The following HDAC4 variants were observed in gnomAD, a reference collection of about 807,000 sequenced individuals.
HDAC4 encodes histone deacetylase A.
Under a neutral mutation model 135.1 loss-of-function variants are expected in HDAC4, and 16 were observed. That is an observed-to-expected ratio of 0.12 (90% CI 0.08 to 0.18). The LOEUF (loss-of-function observed/expected upper bound fraction) is 0.18. HDAC4 is among the 10% of genes least tolerant of loss of function. HDAC4 has a pLI of 1.00. For synonymous variants in HDAC4, 685 were observed against 653.4 expected (o/e 1.05, Z -0.74); for missense variants, 1,143 against 1,511.8 (o/e 0.76, Z 4.05).
chr2:239,383,560 C>T (rs2126067846), intron 1 of HDAC4, among the ~76,000 whole-genome samples: 1 of 152,068 alleles, frequency 6.6e-6, no homozygotes, highest in Non-Finnish European at 1.5e-5. Flanking sequence ...GTCTGGGCCA[C>T]AATGAAGCAA....
Position 239,164,181 on chromosome 2 carries a change from T to C in HDAC4, c.491-258A>G, listed in dbSNP as rs372699246. Among the ~76,000 whole-genome samples the C allele has an allele frequency of 5.9e-5, 9 of 152,354 alleles. No homozygotes were observed. In the East Asian group the frequency reaches 9.7e-4, roughly 16 times the overall value. On this transcript the variant is annotated intron_variant, in intron 5 of 26. Coordinates refer to ENST00000543185, the MANE Select transcript of HDAC4 (RefSeq NM_001378414.1). ...ATCATCCGAAAGACTTATTGTTAGC[T>C]AACACAAAACCCACTTCTGAAGGAA... is the stretch of plus-strand genomic sequence containing the variant.
rs746593835 is a variant in HDAC4, at chr2:239,382,729, C to CT, written c.-220+18248dup. ...CTTTAACAGCTTACACTTTCTTTTT[C>CT]TTTTTTTTTTTTTAGACGCAGTTTG... On this transcript the variant is annotated intron_variant, in intron 1 of 26. Coordinates refer to ENST00000543185, the MANE Select transcript of HDAC4 (RefSeq NM_001378414.1). Among the ~76,000 whole-genome samples the CT allele has an allele frequency of 7.7e-4, 112 of 144,900 alleles. 1 individual carries two copies. Among genetic ancestry groups the CT allele is most frequent in the South Asian group, 1.8e-3 (8 of 4,566 alleles).
At chr2:239,387,670 G>A (rs895499833) in intron 1 of HDAC4, among the ~76,000 whole-genome samples, 5 of 152,182 alleles carry the variant, frequency 3.3e-5, no homozygotes, top group African/African-American at 7.2e-5. Context: ...AATTCTGATC[G>A]TGTGGAGAAG....
intron 2 of HDAC4, among the ~76,000 whole-genome samples, chr2:239,312,208 C>T (rs975546968): frequency 1.3e-5 from 2 of 152,184 alleles, no homozygotes; most frequent in Non-Finnish European, 2.9e-5. Flanking sequence ...GGCAGGACAC[C>T]AGGCCAGCCA....
chr2:239,264,685 G>A (rs949912113), intron 2 of HDAC4, among the ~76,000 whole-genome samples: 3 of 152,200 alleles, frequency 2.0e-5, no homozygotes, highest in South Asian at 2.1e-4. Context: ...GCCTTCCTGG[G>A]TAGAAGCCAA....
At chr2:239,102,056 G>A (rs55652841) in intron 16 of HDAC4, among the ~76,000 whole-genome samples, 1 of 101,090 alleles carries the variant, frequency 9.9e-6, no homozygotes, top group Non-Finnish European at 2.2e-5. Flanking sequence ...GGAAGCCCCC[G>A]GCCCCGGGTC....
At chr2:239,162,218 A>G (rs1282919534) in intron 6 of HDAC4, 7 of 456,436 alleles carry the variant, frequency 1.5e-5, no homozygotes, top group East Asian at 7.0e-5. Context: ...CCCCACTCCT[A>G]TCACTGTCTT....
chr2:239,211,608 C>A (rs573815991), intron 3 of HDAC4, among the ~76,000 whole-genome samples: 2 of 152,342 alleles, frequency 1.3e-5, no homozygotes, highest in South Asian at 4.1e-4. Context: ...ACACCAGACT[C>A]CAATTCTTGG....
At chr2:239,272,275 T>G (rs151115231) in intron 2 of HDAC4, among the ~76,000 whole-genome samples, 41 of 152,250 alleles carry the variant, frequency 2.7e-4, no homozygotes, top group African/African-American at 9.1e-4. Context: ...ATGTCTCTGA[T>G]AGGACACCAA....
intron 2 of HDAC4, among the ~76,000 whole-genome samples, chr2:239,347,419 G>A (rs552910530): frequency 2.6e-5 from 4 of 152,338 alleles, no homozygotes; most frequent in Non-Finnish European, 1.5e-5. Context: ...CTGCTTTTAT[G>A]TGGATGGGGG....
At chr2:239,395,696 CG>C (rs1327751103) in intron 1 of HDAC4, among the ~76,000 whole-genome samples, 1 of 152,160 alleles carries the variant, frequency 6.6e-6, no homozygotes, top group Non-Finnish European at 1.5e-5. Flanking sequence ...CTCCAGACCC[CG>C]CCTTTCCCTC....
At chr2:239,246,262 C>T (rs1575512655) in intron 2 of HDAC4, among the ~76,000 whole-genome samples, 2 of 152,164 alleles carry the variant, frequency 1.3e-5, no homozygotes, top group South Asian at 2.1e-4. Flanking sequence ...GCAGGTTACT[C>T]GGGGATTTTC....
chr2:239,386,706 C>A (rs1276821822), intron 1 of HDAC4, among the ~76,000 whole-genome samples: 1 of 152,202 alleles, frequency 6.6e-6, no homozygotes, highest in East Asian at 1.9e-4. Context: ...TAGTCACGAC[C>A]TAGAGGAGCA....
intron 7 of HDAC4, chr2:239,155,434 CATGGCCCACTCCACCTGG>C (rs2042364275): frequency 2.7e-5 from 4 of 146,064 alleles, no homozygotes; most frequent in African/African-American, 1.1e-4. Context: ...CCACCTGGGA[CATGGCCCACTCCACCTGG>C]GACATGGCCG....
At chr2:239,231,229 A>T (rs553690174) in intron 3 of HDAC4, among the ~76,000 whole-genome samples, 55 of 152,200 alleles carry the variant, frequency 3.6e-4, no homozygotes, top group Non-Finnish European at 7.2e-4. Context: ...CGCCACCCCT[A>T]TGCCTCAGGA....
intron 25 of HDAC4, 52 bp downstream of exon 25, chr2:239,054,697 A>T (rs758820622): frequency 3.6e-6 from 4 of 1,116,818 alleles, no homozygotes; most frequent in Non-Finnish European, 5.5e-6. Context: ...GGTGTGGTGC[A>T]GTCCCACCCC....
Position 239,054,847 on chromosome 2 carries a change from C to T in HDAC4, c.3004-14G>A. ...GAGAGGATCAAGCTGGAAGAAAATG[C>T]ATAAGAATATAAAGACTGCCAATAT... On this transcript the variant is annotated splice_polypyrimidine_tract_variant and intron_variant, in intron 24 of 26. Coordinates refer to ENST00000543185, the MANE Select transcript of HDAC4 (RefSeq NM_001378414.1). The T allele has an allele frequency of 6.4e-7, 1 of 1,571,696 alleles. No individual in the cohort carries two copies. Among genetic ancestry groups the T allele is most frequent in the Non-Finnish European group, 8.8e-7 (1 of 1,141,352 alleles).
chr2:239,156,542 C>T, intron 7 of HDAC4, 110 bp downstream of exon 7: 2 of 1,284,760 alleles, frequency 1.6e-6, no homozygotes, highest in Non-Finnish European at 2.3e-6. Flanking sequence ...TAAAAATCTG[C>T]AGGTGATTCC....
At chr2:239,099,806 C>T (rs907899436) in intron 16 of HDAC4, among the ~76,000 whole-genome samples, 3 of 152,224 alleles carry the variant, frequency 2.0e-5, no homozygotes, top group African/African-American at 7.2e-5. Flanking sequence ...ACTTCCTGGC[C>T]GCCACCCTCT....
Sources: gnomAD v4.1 joint callset for allele counts (sites outside exome capture counted in the v4.1 genomes callset) on GRCh38, gnomAD v4.1.1 for gene constraint, MANE v1.5 for transcripts, NCBI Gene and HGNC (gene_info 2026-07-23, HGNC 2026-07-21) for gene names.